The following FILIP1 variants were observed in gnomAD, a reference collection of about 807,000 sequenced individuals.
FILIP1 encodes the protein filamin A interacting protein 1, also known as filamin-A-interacting protein 1.
In FILIP1, 61 loss-of-function variants were observed where a neutral mutation model predicts 102.1. The ratio of observed to expected loss-of-function variants is 0.60; its 90% confidence interval spans 0.49 to 0.74. FILIP1 has a LOEUF of 0.74. Among genes scored for constraint, FILIP1 ranks in the 30% least tolerant of loss-of-function variants. FILIP1 has a pLI of 0.00. For synonymous variants in FILIP1, 491 were observed against 526.9 expected (o/e 0.93, Z 0.93); for missense variants, 1,314 against 1,441.2 (o/e 0.91, Z 1.43).
At chr6:75,427,856 CA>C (rs1777679680) in intron 1 of FILIP1, among the ~76,000 whole-genome samples, 1 of 152,092 alleles carries the variant, frequency 6.6e-6, no homozygotes, top group Admixed American at 6.6e-5. Context: ...GTTGAGAAAT[CA>C]AGTTGGTTAA....
intron 6 of FILIP1, among the ~76,000 whole-genome samples, chr6:75,302,400 C>T (rs1162921836): frequency 6.6e-6 from 1 of 152,144 alleles, no homozygotes; most frequent in Non-Finnish European, 1.5e-5. Flanking sequence ...AACTTTCTGC[C>T]ATTTTTCAGC....
chr6:75,444,834 C>T (rs1448404846), intron 1 of FILIP1, among the ~76,000 whole-genome samples: 2 of 152,072 alleles, frequency 1.3e-5, no homozygotes, highest in Non-Finnish European at 2.9e-5. Flanking sequence ...AAGTTCTAGC[C>T]CAGCAATACC....
At chr6:75,394,331 A>C (rs920022053) in intron 2 of FILIP1, among the ~76,000 whole-genome samples, 1 of 152,170 alleles carries the variant, frequency 6.6e-6, no homozygotes. Context: ...TGGTGGAAAA[A>C]AGTACTAGAA....
Position 75,312,909 on chromosome 6 carries a change from C to A in FILIP1, c.2923G>T (p.Glu975Ter). Residue 975 changes from glutamate to a stop codon, truncating the protein, a stop_gained, in exon 5 of 6, where the codon GAA (glutamate) becomes TAA (stop). Coordinates refer to ENST00000237172, the MANE Select transcript of FILIP1 (RefSeq NM_015687.5). LOFTEE classifies it high-confidence loss of function. The part of the protein sequence containing the change: ...QKSGDTTLGP[E>*]RAMSPVTITT... ...ATTGTGACTGGGGACATGGCTCGTT[C>A]TGGGCCAAGAGTAGTATCTCCACTT... The A allele has an allele frequency of 6.2e-7, 1 of 1,614,148 alleles. No homozygotes were observed. Among genetic ancestry groups the A allele is most frequent in the Non-Finnish European group, 8.5e-7 (1 of 1,180,032 alleles).
chr6:75,312,635 T>G lies in FILIP1; in HGVS notation c.3197A>C (p.Lys1066Thr). The G allele has an allele frequency of 6.2e-7, 1 of 1,614,172 alleles. No homozygotes were observed. The highest frequency in any genetic ancestry group is 1.1e-5 in the South Asian group (1 of 91,082). Reference sequence around the variant, plus strand: ...CTGAGACCCTAAGTGAATGTGAATTTTATTGTCCTCTGTGGTTATGATATT... The same window carrying G: ...CTGAGACCCTAAGTGAATGTGAATTGTATTGTCCTCTGTGGTTATGATATT... ...NANIITTEDNKIHIHLGSQFK... is the reference protein window; with the variant it reads ...NANIITTEDNTIHIHLGSQFK... The change falls in exon 5 of 6, where the codon AAA becomes ACA. Residue 1066 changes from lysine to threonine, a missense_variant. Transcript: ENST00000237172.
At chr6:75,449,098 A>G (rs1445237237) in intron 1 of FILIP1, among the ~76,000 whole-genome samples, 1 of 152,202 alleles carries the variant, frequency 6.6e-6, no homozygotes, top group East Asian at 1.9e-4. Context: ...TCAATCAACA[A>G]GCGGATAAAG....
chr6:75,307,825 T>C (rs1399175280), downstream of FILIP1, among the ~76,000 whole-genome samples: 1 of 152,212 alleles, frequency 6.6e-6, no homozygotes, highest in Non-Finnish European at 1.5e-5. Context: ...CATGATGTCA[T>C]TTTTTCCCTT....
intron 4 of FILIP1, among the ~76,000 whole-genome samples, chr6:75,337,112 T>G: frequency 6.6e-6 from 1 of 152,124 alleles, no homozygotes; most frequent in African/African-American, 2.4e-5. Context: ...CTATGAATCA[T>G]ATACAACCTT....
intron 2 of FILIP1, among the ~76,000 whole-genome samples, chr6:75,402,826 ATATAT>A (rs1776703047): frequency 2.0e-5 from 3 of 152,198 alleles, no homozygotes; most frequent in Non-Finnish European, 4.4e-5. Context: ...CATTAACATT[ATATAT>A]TATGATACTT....
chr6:75,319,723 C>T (rs1218159904), intron 4 of FILIP1: 9 of 320,656 alleles, frequency 2.8e-5, no homozygotes, highest in Non-Finnish European at 5.3e-5. Context: ...CCAGCTACTG[C>T]GGAGGCTGAG....
intron 3 of FILIP1, chr6:75,358,276 T>C (rs1356134192): frequency 1.3e-5 from 2 of 152,140 alleles, no homozygotes; most frequent in Non-Finnish European, 2.9e-5. Context: ...AGAAGTCTAC[T>C]TAAAAGCAAA....
Position 75,414,905 on chromosome 6 carries a change from A to G in FILIP1, c.68T>C (p.Ile23Thr). Residue 23 changes from isoleucine to threonine, a missense_variant, in exon 2 of 6, where the codon ATC becomes ACC. By Grantham distance (89) the Ile-to-Thr change is moderately conservative (BLOSUM62 -1). Around this residue, in one of 3 missense-constraint regions of FILIP1, gnomAD observed 494 missense variants for 511.2 expected, o/e 0.97. Coordinates refer to ENST00000237172, the MANE Select transcript of FILIP1 (RefSeq NM_015687.5). Reference protein sequence around the residue: ...DGHISCPKPSIIGNAGEKSLS... With the variant: ...DGHISCPKPSTIGNAGEKSLS... The stretch of plus-strand genomic sequence containing the variant: ...ACTTTTTTCACCAGCATTGCCGATG[A>G]TGGAGGGCTTGGGACAGGAGATATG... 6.2e-7 allele frequency: 1 copy of G among 1,613,894 alleles called. No individual in the cohort carries two copies. Among genetic ancestry groups the G allele is most frequent in the Non-Finnish European group, 8.5e-7 (1 of 1,179,870 alleles).
chr6:75,321,813 AAAG>A (rs1773673291), intron 4 of FILIP1, among the ~76,000 whole-genome samples: 1 of 146,562 alleles, frequency 6.8e-6, no homozygotes, highest in Non-Finnish European at 1.5e-5. Flanking sequence ...AAAAAAAAAA[AAAG>A]AAATGAATGT....
intron 3 of FILIP1, chr6:75,358,595 C>G (rs1055862255): frequency 6.6e-6 from 1 of 152,158 alleles, no homozygotes; most frequent in African/African-American, 2.4e-5. Context: ...AAAATATGAA[C>G]AGATTTAAGA....
At chr6:75,350,400 GTT>G (rs10602538) in intron 4 of FILIP1, among the ~76,000 whole-genome samples, 78,891 of 136,486 alleles carry the variant, frequency 0.58, 22,099 homozygotes, top group South Asian at 0.69. Context: ...TTTTTTTAAA[GTT>G]TTTTTTTTTT....
chr6:75,336,551 A>C (rs1774249262), intron 4 of FILIP1, among the ~76,000 whole-genome samples: 1 of 152,136 alleles, frequency 6.6e-6, no homozygotes, highest in Non-Finnish European at 1.5e-5. Context: ...TTATACAATC[A>C]AGCGGCAGGC....
At chr6:75,412,114 C>T (rs1292731851) in intron 2 of FILIP1, among the ~76,000 whole-genome samples, 1 of 152,092 alleles carries the variant, frequency 6.6e-6, no homozygotes, top group Non-Finnish European at 1.5e-5. Context: ...TGTAGTTCTC[C>T]TTGAAGAGGT....
intron 2 of FILIP1, among the ~76,000 whole-genome samples, chr6:75,409,998 T>C: frequency 6.6e-6 from 1 of 152,152 alleles, no homozygotes; most frequent in East Asian, 1.9e-4. Context: ...CTGACTTGAG[T>C]AATAACTCCA....
At chr6:75,474,791 T>C (rs999102396) in intron 1 of FILIP1, among the ~76,000 whole-genome samples, 1 of 152,154 alleles carries the variant, frequency 6.6e-6, no homozygotes, top group Non-Finnish European at 1.5e-5. Context: ...TGGAGCCTGG[T>C]GGGAGGTGAC....
Sources: gnomAD v4.1 joint callset for allele counts (sites outside exome capture counted in the v4.1 genomes callset) on GRCh38, gnomAD v4.1.1 for gene constraint, gnomAD v4.1.1 regional missense constraint, MANE v1.5 for transcripts, NCBI Gene and HGNC (gene_info 2026-07-23, HGNC 2026-07-21) for gene names.